TENM4: variants seen among roughly 807,000 people sequenced by gnomAD.
The protein encoded by TENM4 is teneurin transmembrane protein 4, also known as teneurin-4.
In TENM4, 82 loss-of-function variants were observed where a neutral mutation model predicts 243.3. The ratio of observed to expected loss-of-function variants is 0.34; its 90% confidence interval spans 0.28 to 0.40. The LOEUF (loss-of-function observed/expected upper bound fraction) is 0.40. TENM4 is among the 10% of genes least tolerant of loss of function. The probability of loss-of-function intolerance (pLI) is 1.00; values close to 1 mark genes in which losing one functional copy is unlikely to be tolerated. For synonymous variants in TENM4, 1,412 were observed against 1,456.3 expected, an observed-to-expected ratio of 0.97 and a Z score of 0.69; for missense variants, 3,138 against 3,673.3, an observed-to-expected ratio of 0.85 and a Z score of 3.77.
intron 3 of TENM4, among the ~76,000 whole-genome samples, chr11:79,176,210 G>A (rs1261037000): frequency 6.6e-6 from 1 of 152,204 alleles, no homozygotes; most frequent in Non-Finnish European, 1.5e-5. Context: ...ACTGCCCATA[G>A]GGTCAGTCAT....
At chr11:78,733,639 C>T (rs1855720362) in intron 20 of TENM4, among the ~76,000 whole-genome samples, 1 of 152,202 alleles carries the variant, frequency 6.6e-6, no homozygotes, top group African/African-American at 2.4e-5. Flanking sequence ...TGCACTTTTA[C>T]TTTTTGAACA....
chr11:79,179,063 A>T (rs1591335973), intron 3 of TENM4, among the ~76,000 whole-genome samples: 2 of 152,230 alleles, frequency 1.3e-5, no homozygotes, highest in African/African-American at 4.8e-5. Context: ...AGTACCTTTA[A>T]TTGCCTATGC....
chr11:78,974,154 G>A (rs1857601932), intron 6 of TENM4, among the ~76,000 whole-genome samples: 1 of 152,198 alleles, frequency 6.6e-6, no homozygotes, highest in African/African-American at 2.4e-5. Flanking sequence ...TTCCCTGAGG[G>A]TGGGGACTGG....
chr11:79,103,389 A>T (rs992122763), intron 4 of TENM4, among the ~76,000 whole-genome samples: 1 of 152,206 alleles, frequency 6.6e-6, no homozygotes, highest in Non-Finnish European at 1.5e-5. Flanking sequence ...CCATGTTGTA[A>T]GCATTTCTGT....
intron 6 of TENM4, among the ~76,000 whole-genome samples, chr11:78,948,589 T>C (rs1857052526): frequency 6.6e-6 from 1 of 152,218 alleles, no homozygotes; most frequent in Non-Finnish European, 1.5e-5. Flanking sequence ...GCCAGGATGG[T>C]CTCGATCTCC....
chr11:78,698,129 C>T (rs1419660270), intron 28 of TENM4, among the ~76,000 whole-genome samples: 2 of 152,154 alleles, frequency 1.3e-5, no homozygotes, highest in Non-Finnish European at 2.9e-5. Context: ...AGGCCGGGTG[C>T]GGTGGCTCAT....
intron 6 of TENM4, chr11:79,014,477 A>C (rs1284294032): frequency 6.6e-6 from 1 of 152,266 alleles, no homozygotes; most frequent in African/African-American, 2.4e-5. Context: ...CCAATACAGC[A>C]TATGCACATT....
chr11:78,820,633 T>G (rs1053568256), intron 12 of TENM4, among the ~76,000 whole-genome samples: 1 of 152,152 alleles, frequency 6.6e-6, no homozygotes, highest in Non-Finnish European at 1.5e-5. Context: ...AAAAACAATC[T>G]GACTTGGTCA....
intron 1 of TENM4, among the ~76,000 whole-genome samples, chr11:79,379,363 G>A (rs1353712277): frequency 6.6e-6 from 1 of 152,176 alleles, no homozygotes; most frequent in Non-Finnish European, 1.5e-5. Context: ...GGGGAGTGAG[G>A]CTGTTATAGC....
chr11:78,877,129 T>C (rs1413554302), intron 9 of TENM4, among the ~76,000 whole-genome samples: 1 of 152,354 alleles, frequency 6.6e-6, no homozygotes, highest in African/African-American at 2.4e-5. Context: ...TGCTCTGAGA[T>C]CATATTGCTG....
chr11:79,304,782 A>ACAGCTG (rs1174447755), intron 1 of TENM4, among the ~76,000 whole-genome samples: 1 of 152,136 alleles, frequency 6.6e-6, no homozygotes, highest in Non-Finnish European at 1.5e-5. Flanking sequence ...TGCTCTCATC[A>ACAGCTG]CAGCTGCCTC....
At chr11:79,015,890 G>A (rs1858762496) in intron 6 of TENM4, among the ~76,000 whole-genome samples, 1 of 152,188 alleles carries the variant, frequency 6.6e-6, no homozygotes, top group African/African-American at 2.4e-5. Flanking sequence ...CTGATAAGGT[G>A]GTCAGAAAAG....
chr11:78,998,852 G>A (rs1381916419), intron 6 of TENM4, among the ~76,000 whole-genome samples: 1 of 152,214 alleles, frequency 6.6e-6, no homozygotes, highest in Non-Finnish European at 1.5e-5. Flanking sequence ...ATGAATAGTG[G>A]AGTCCAGAGA....
Position 78,756,818 on chromosome 11 carries a change from G to T in TENM4, c.2743C>A (p.Pro915Thr), listed in dbSNP as rs1856318649. ...CCTCGGACTCACCCTCCATCAAAGGGGTTCTCCCCGGGGATTATGTGCGTG... is the reference window on the plus strand; with the variant it reads ...CCTCGGACTCACCCTCCATCAAAGGTGTTCTCCCCGGGGATTATGTGCGTG... ...DSTHIIPGEN[P>T]FDGGHACVIR... is the part of the protein sequence containing the mutation. Residue 915 changes from proline (P) to threonine (T), a missense_variant, in exon 19 of 34, where the codon CCC (proline) becomes ACC (threonine). This residue lies in a region of TENM4 where 2,467 missense variants were observed against 3,059.1 expected (regional missense o/e 0.81). Transcript: ENST00000278550. 1.9e-6 allele frequency: 3 copies of T among 1,613,356 alleles called. No individual in the cohort carries two copies. Among genetic ancestry groups the T allele is most frequent in the Admixed American group, 1.7e-5 (1 of 59,966 alleles).
intron 6 of TENM4, among the ~76,000 whole-genome samples, chr11:78,970,472 A>C (rs73502631): frequency 0.067 from 10,268 of 152,258 alleles, 498 homozygotes; most frequent in African/African-American, 0.13. Flanking sequence ...CCTTACTGTA[A>C]AAATGTATTG....
intron 2 of TENM4, among the ~76,000 whole-genome samples, chr11:79,248,963 A>C (rs922787471): frequency 1.3e-5 from 2 of 152,200 alleles, no homozygotes; most frequent in African/African-American, 4.8e-5. Context: ...AGGAAGAAGA[A>C]TATTTTCTGA....
In TENM4 at chr11:79,139,721, A is replaced by AATATATATTATATTTATATAAATATAAT. The variant is rs1565220695; in HGVS notation, c.-66+8988_-66+8989insATTATATTTATATAAATATAATATATAT. ...ATATAATATTTATATAAGTATATAAAATATATATTATATTTATATAAATAT... is the reference window on the plus strand; with the variant it reads ...ATATAATATTTATATAAGTATATAAAATATATATTATATTTATATAAATATAATATATATATTATATTTATATAAATAT... On this transcript the variant is annotated intron_variant, in intron 4 of 33. Coordinates refer to ENST00000278550, the MANE Select transcript of TENM4 (RefSeq NM_001098816.3). Among the ~76,000 whole-genome samples, 51 of 47,824 alleles carry AATATATATTATATTTATATAAATATAAT rather than the reference A, an allele frequency of 1.1e-3. 5 individuals are homozygous for AATATATATTATATTTATATAAATATAAT. The highest frequency in any genetic ancestry group is 8.8e-3 in the African/African-American group (51 of 5,816). 31.4% of individuals were successfully genotyped at this position (47,824 alleles called of 152,430 possible).
intron 1 of TENM4, among the ~76,000 whole-genome samples, chr11:79,332,247 C>G (rs930564590): frequency 2.0e-5 from 3 of 152,294 alleles, no homozygotes; most frequent in African/African-American, 7.2e-5. Flanking sequence ...GCTGCCATTT[C>G]AGTCCCGCAG....
chr11:78,663,782 T>A (rs1256947910), intron 32 of TENM4, among the ~76,000 whole-genome samples: 9 of 152,210 alleles, frequency 5.9e-5, no homozygotes, highest in Non-Finnish European at 1.2e-4. Context: ...AATTGTCACC[T>A]GCCACCCACT....
Sources: allele counts gnomAD v4.1 joint callset (sites outside exome capture counted in the v4.1 genomes callset), GRCh38; gene constraint gnomAD v4.1.1; regional missense constraint gnomAD v4.1.1; transcripts MANE v1.5; gene names NCBI Gene and HGNC (gene_info 2026-07-23, HGNC 2026-07-21).